MNAT1: variants seen among roughly 807,000 people sequenced by gnomAD.
MNAT1 encodes CDK-activating kinase assembly factor MAT1.
In MNAT1, 43 loss-of-function variants were observed where a neutral mutation model predicts 42.0. The ratio of observed to expected loss-of-function variants is 1.02; its 90% CI spans 0.80 to 1.32. The LOEUF (loss-of-function observed/expected upper bound fraction) is 1.32. Among genes scored for constraint, MNAT1 ranks in the 40% most tolerant of loss-of-function variants. MNAT1 has a pLI of 0.00. For missense variants in MNAT1, 306 were observed against 350.4 expected, an observed-to-expected ratio of 0.87 and a Z score of 1.01; for synonymous variants, 118 against 120.0, an observed-to-expected ratio of 0.98 and a Z score of 0.11.
At chr14:60,898,871 A>G (rs530907250) in intron 7 of MNAT1, among the ~76,000 whole-genome samples, 33 of 152,082 alleles carry the variant, frequency 2.2e-4, no homozygotes, top group African/African-American at 7.7e-4. Context: ...GTTTTTTTCT[A>G]GTAGTTTTAT....
rs573027542 is a variant in MNAT1, at chr14:60,758,869, TAGTATTAAAACAAAA to T, written c.89+23924_89+23938del. Among the ~76,000 whole-genome samples the T allele has an allele frequency of 1.7e-4, 26 of 152,290 alleles. 1 individual carries two copies. The highest frequency in any genetic ancestry group is 6.0e-4 in the African/African-American group (25 of 41,574). On this transcript the variant is annotated intron_variant, in intron 1 of 7. Transcript: ENST00000261245. ...ATTTTAATTTTTTAATATTTTCTGT[TAGTATTAAAACAAAA>T]AGTATATGCCTTCCTAATTTTTTAT...
At chr14:60,957,172 T>G (rs2036501624) in intron 7 of MNAT1, among the ~76,000 whole-genome samples, 2 of 152,202 alleles carry the variant, frequency 1.3e-5, no homozygotes, top group African/African-American at 4.8e-5. Context: ...ACTGTAGGTT[T>G]TTGCATTTTT....
At chr14:60,933,288 G>A (rs1303593522) in intron 7 of MNAT1, among the ~76,000 whole-genome samples, 3 of 151,618 alleles carry the variant, frequency 2.0e-5, no homozygotes, top group East Asian at 1.9e-4. Context: ...TAGGCATATC[G>A]ACACAATGAT....
chr14:60,867,295 T>C (rs1265013991), intron 6 of MNAT1, among the ~76,000 whole-genome samples: 1 of 152,070 alleles, frequency 6.6e-6, no homozygotes, highest in African/African-American at 2.4e-5. Flanking sequence ...TCTTTTTTTA[T>C]TTTGAAGAAG....
intron 2 of MNAT1, 53 bp from the exon 3 acceptor site, chr14:60,798,034 A>G (rs2032074578): frequency 1.2e-6 from 1 of 846,208 alleles, no homozygotes; most frequent in Non-Finnish European, 2.0e-6. Flanking sequence ...CAGTTAGATA[A>G]TATTAAAAGC....
intron 7 of MNAT1, among the ~76,000 whole-genome samples, chr14:60,962,332 A>T (rs919412872): frequency 2.0e-5 from 3 of 152,266 alleles, no homozygotes; most frequent in South Asian, 4.1e-4. Flanking sequence ...ACTGTTTATT[A>T]TCTGTTTTTC....
intron 6 of MNAT1, among the ~76,000 whole-genome samples, chr14:60,868,672 T>TGA: frequency 6.6e-6 from 1 of 152,286 alleles, no homozygotes; most frequent in East Asian, 1.9e-4. Context: ...GTGGTTATAT[T>TGA]TGTTGTATGA....
chr14:60,860,962 T>C (rs1440650204), intron 6 of MNAT1, among the ~76,000 whole-genome samples: 1 of 152,214 alleles, frequency 6.6e-6, no homozygotes, highest in Admixed American at 6.5e-5. Context: ...TTGAAGCACA[T>C]GTATTTCAAA....
intron 7 of MNAT1, among the ~76,000 whole-genome samples, chr14:60,927,762 G>A (rs1206318695): frequency 6.6e-6 from 1 of 152,104 alleles, no homozygotes; most frequent in Non-Finnish European, 1.5e-5. Flanking sequence ...GTGGACACAG[G>A]GAAGGTCAGG....
In MNAT1 at chr14:60,968,588, G is replaced by A. The variant is rs747928696; in HGVS notation, c.*239G>A. 28 of 1,152,002 alleles carry A rather than the reference G, an allele frequency of 2.4e-5. 1 individual carries two copies. Among genetic ancestry groups the A allele is most frequent in the Non-Finnish European group, 3.3e-5 (28 of 847,608 alleles). 71.4% of individuals were successfully genotyped at this position (1,152,002 alleles called of 1,614,324 possible). On this transcript the variant is annotated 3_prime_UTR_variant, in exon 8 of 8. Coordinates refer to ENST00000261245, the MANE Select transcript of MNAT1 (RefSeq NM_002431.4). ...TTTGACACGATAAGCCTCATCTGAT[G>A]GAAGAGAGGAATAAATAATTCACCT...
rs533638261 is a variant in MNAT1 at position 60,776,621 on chromosome 14, A to G, written c.90-19596A>G. Among the ~76,000 whole-genome samples, 6 of 152,218 alleles carry G rather than the reference A, an allele frequency of 3.9e-5. No homozygotes were observed. In the South Asian group the frequency reaches 1.0e-3, roughly 26 times the overall value. The stretch of plus-strand genomic sequence containing the variant: ...GGGGAGGCCATAACTGAGGATAAAG[A>G]TGGTGGGATTCCAGAACTAGTATCA... On this transcript the variant is annotated intron_variant, in intron 1 of 7. Transcript: ENST00000261245.
rs923482237 is a variant in MNAT1, at chr14:60,751,992, A to C, written c.89+17041A>C. Among the ~76,000 whole-genome samples, 5 of 152,346 alleles carry C rather than the reference A, an allele frequency of 3.3e-5. No individual in the cohort carries two copies. In the East Asian group the frequency reaches 9.6e-4, roughly 29 times the overall value. ...AGCACTAACTGGTTTACTTATAAACAATTCAGCTCATTAAAATATAAATAT... is the reference window on the plus strand; with the variant it reads ...AGCACTAACTGGTTTACTTATAAACCATTCAGCTCATTAAAATATAAATAT... On this transcript the variant is annotated intron_variant, in intron 1 of 7. Transcript: ENST00000261245.
chr14:60,920,010 C>T (rs74053889), intron 7 of MNAT1: 3,723 of 153,588 alleles, frequency 0.024, 150 homozygotes, highest in African/African-American at 0.081. Flanking sequence ...ACAAAGGTAT[C>T]CTAGTACTGT....
chr14:60,758,463 A>G (rs2030457431), intron 1 of MNAT1, among the ~76,000 whole-genome samples: 1 of 151,872 alleles, frequency 6.6e-6, no homozygotes. Context: ...TCAGCCTCCC[A>G]AAGTGCTGGG....
intron 6 of MNAT1, among the ~76,000 whole-genome samples, chr14:60,825,046 A>G (rs987297341): frequency 6.6e-6 from 1 of 152,172 alleles, no homozygotes; most frequent in Non-Finnish European, 1.5e-5. Context: ...CAAAGTGACA[A>G]AAGTTATTTA....
At chr14:60,779,845 C>T (rs2031391352) in intron 1 of MNAT1, 3 of 615,228 alleles carry the variant, frequency 4.9e-6, no homozygotes, top group Non-Finnish European at 8.8e-6. Context: ...AGTGAACTTA[C>T]TCTAAGAAGC....
intron 6 of MNAT1, among the ~76,000 whole-genome samples, chr14:60,862,755 T>C (rs1418240543): frequency 6.6e-6 from 1 of 152,232 alleles, no homozygotes; most frequent in East Asian, 1.9e-4. Context: ...TAATATGTTT[T>C]CATACAGATT....
rs1428758055 is a variant in MNAT1, at chr14:60,969,496, TTCTA to T, written c.*1151_*1154del. 6.6e-6 allele frequency: 1 copy of T among 152,194 alleles called. No individual in the cohort carries two copies. Among genetic ancestry groups the T allele is most frequent in the East Asian group, 1.9e-4 (1 of 5,194 alleles). The allele number at this position is 152,194 out of a possible 1,614,324, so 9.4% of individuals were successfully genotyped here. On this transcript the variant is annotated 3_prime_UTR_variant, in exon 8 of 8. Coordinates refer to ENST00000261245, the MANE Select transcript of MNAT1 (RefSeq NM_002431.4). ...CAATACATCTTCATCTTTATTGTACTTCTATCTTTGTTAAATGAGAAAACCAAGG... is the reference window on the plus strand; with the variant it reads ...CAATACATCTTCATCTTTATTGTACTTCTTTGTTAAATGAGAAAACCAAGG...
chr14:60,911,535 G>T (rs1053644294), intron 7 of MNAT1, among the ~76,000 whole-genome samples: 1 of 152,006 alleles, frequency 6.6e-6, no homozygotes, highest in Non-Finnish European at 1.5e-5. Flanking sequence ...CTTTGTTCTC[G>T]TTGGTTTCAA....
Sources: gnomAD v4.1 joint callset for allele counts (sites outside exome capture counted in the v4.1 genomes callset) on GRCh38, gnomAD v4.1.1 for gene constraint, MANE v1.5 for transcripts, NCBI Gene and HGNC (gene_info 2026-07-23, HGNC 2026-07-21) for gene names.